Variants in CACNA2D2 observed in about 807,000 individuals in gnomAD.
CACNA2D2 encodes the protein calcium voltage-gated channel auxiliary subunit alpha2delta 2, also known as voltage-dependent calcium channel subunit alpha-2/delta-2.
Under a neutral mutation model 166.4 loss-of-function variants are expected in CACNA2D2, and 48 were observed. That is an observed-to-expected ratio of 0.29 (90% CI 0.23 to 0.37). CACNA2D2 has a LOEUF of 0.37. Among genes scored for constraint, CACNA2D2 ranks in the 10% least tolerant of loss-of-function variants. CACNA2D2 has a pLI of 1.00. For missense variants in CACNA2D2, 1,122 were observed against 1,433.0 expected, an observed-to-expected ratio of 0.78 and a Z score of 3.50; for synonymous variants, 561 against 573.7, an observed-to-expected ratio of 0.98 and a Z score of 0.32.
At position 50,367,563 on chromosome 3, in the gene CACNA2D2, A is replaced by G. The variant is rs2109409987; in HGVS notation, c.2298-66T>C. Reference sequence around the variant, plus strand: ...TTGTCGGGGACAGTGGTCTCCACAGATGCAAGGAGGCCTCTGGGCAGAACA... The same window carrying G: ...TTGTCGGGGACAGTGGTCTCCACAGGTGCAAGGAGGCCTCTGGGCAGAACA... On this transcript the variant is annotated intron_variant, in intron 26 of 37. Transcript: ENST00000424201. The surrounding 1 kb of genome is among the most constrained non-coding windows in gnomAD (Gnocchi z 6.5). 2 of 1,603,956 alleles carry G rather than the reference A, an allele frequency of 1.2e-6. No individual in the cohort carries two copies. Among genetic ancestry groups the G allele is most frequent in the South Asian group, 2.2e-5 (2 of 90,476 alleles).
chr3:50,401,843 C>T (rs1231147909), intron 3 of CACNA2D2, among the ~76,000 whole-genome samples: 2 of 152,044 alleles, frequency 1.3e-5, no homozygotes, highest in Admixed American at 6.6e-5. Flanking sequence ...CGAGTAGCTA[C>T]AGGCGCCCAC....
At position 50,380,142 on chromosome 3, in the gene CACNA2D2, T is replaced by G; in HGVS notation, c.843-124A>C. On this transcript the variant is annotated intron_variant, in intron 8 of 37. Coordinates refer to ENST00000424201, the MANE Select transcript of CACNA2D2 (RefSeq NM_006030.4). The surrounding 1 kb of genome is among the most constrained non-coding windows in gnomAD (Gnocchi z 4.9). ...ATGCACTGTGTGGGCCAGGCAGGGT[T>G]CTATGCACCGATGATACCACATTTA... 1.1e-6 allele frequency: 1 copy of G among 905,278 alleles called. No individual in the cohort carries two copies. The highest frequency in any genetic ancestry group is 2.6e-5 in the East Asian group (1 of 38,576). The allele number at this position is 905,278 out of a possible 1,614,324, so 56.1% of individuals were successfully genotyped here. A position where few individuals can be genotyped will look rare whatever the true frequency, so the allele number is the denominator to read the frequency against.
At chr3:50,423,285 C>T (rs532172687) in intron 3 of CACNA2D2, among the ~76,000 whole-genome samples, 2 of 152,342 alleles carry the variant, frequency 1.3e-5, no homozygotes, top group African/African-American at 2.4e-5. Context: ...CTCCTCTCCT[C>T]GGAGGCTGCC....
Position 50,380,690 on chromosome 3 carries a change from G to C in CACNA2D2, c.842+58C>G. 1 of 1,333,200 alleles carries C rather than the reference G, an allele frequency of 7.5e-7. No individual in the cohort carries two copies. Among genetic ancestry groups the C allele is most frequent in the South Asian group, 1.6e-5 (1 of 63,614 alleles). 82.6% of individuals were successfully genotyped at this position (1,333,200 alleles called of 1,614,324 possible). On this transcript the variant is annotated intron_variant, in intron 8 of 37. Coordinates refer to ENST00000424201, the MANE Select transcript of CACNA2D2 (RefSeq NM_006030.4). This position sits in a 1 kb window ranked among gnomAD's most constrained non-coding sequence, Gnocchi z 4.9. ...TGGAAATGGGGAGGGAGGGGAGCAG[G>C]CAGGAAAGGTGGGGAACTGAGGGGG... is the stretch of plus-strand genomic sequence containing the variant.
At chr3:50,414,936 T>C (rs886927438) in intron 3 of CACNA2D2, among the ~76,000 whole-genome samples, 3 of 152,180 alleles carry the variant, frequency 2.0e-5, no homozygotes, top group African/African-American at 7.2e-5. Flanking sequence ...TCATTTTATT[T>C]AGAAATGAAG....
chr3:50,416,495 CCT>C (rs774122878), intron 3 of CACNA2D2, among the ~76,000 whole-genome samples: 3 of 152,206 alleles, frequency 2.0e-5, no homozygotes, highest in Non-Finnish European at 4.4e-5. Flanking sequence ...CGGGGTGACC[CCT>C]GATTTGGCAC....
chr3:50,441,913 C>T (rs572505017), intron 2 of CACNA2D2, among the ~76,000 whole-genome samples: 28 of 152,288 alleles, frequency 1.8e-4, no homozygotes, highest in African/African-American at 6.5e-4. Context: ...CTCAGGACTC[C>T]CAAAGCCTGA....
At chr3:50,442,770 G>A (rs1045537669) in intron 2 of CACNA2D2, among the ~76,000 whole-genome samples, 12 of 152,222 alleles carry the variant, frequency 7.9e-5, no homozygotes, top group African/African-American at 2.7e-4. Flanking sequence ...CAACTACTGA[G>A]AAAGCAGCTG....
chr3:50,431,800 C>T (rs1708075083), intron 3 of CACNA2D2, among the ~76,000 whole-genome samples: 1 of 151,918 alleles, frequency 6.6e-6, no homozygotes, highest in South Asian at 2.1e-4. Flanking sequence ...GCCTAGCCAA[C>T]ATAGTGAAAT....
In CACNA2D2 at chr3:50,448,286, G is replaced by GT. The variant is rs555710148; in HGVS notation, c.289-13858dup. ...TATTACGCTTTGTGGAGTCATCAAC[G>GT]TGACTGGAAGCTCTGGCTATCAAGC... On this transcript the variant is annotated intron_variant, in intron 2 of 37. Coordinates refer to ENST00000424201, the MANE Select transcript of CACNA2D2 (RefSeq NM_006030.4). 2.6e-5 allele frequency among the ~76,000 whole-genome samples: 4 copies of GT among 152,304 alleles called. No individual in the cohort carries two copies. The East Asian group carries it at 7.7e-4, about 29-fold the overall frequency.
intron 2 of CACNA2D2, among the ~76,000 whole-genome samples, chr3:50,446,418 A>G (rs185534829): frequency 6.6e-6 from 1 of 152,334 alleles, no homozygotes; most frequent in Non-Finnish European, 1.5e-5. Context: ...ACATGGACTT[A>G]CCACATGCAT....
At chr3:50,377,621 T>C in intron 16 of CACNA2D2, 80 bp from the exon 17 acceptor site, 1 of 1,569,060 alleles carries the variant, frequency 6.4e-7, no homozygotes, top group African/African-American at 1.3e-5. Flanking sequence ...CAAGCTGCTC[T>C]CACAGGCAGT....
chr3:50,386,720 T>C (rs1029508423), intron 5 of CACNA2D2, among the ~76,000 whole-genome samples: 5 of 152,204 alleles, frequency 3.3e-5, no homozygotes, highest in African/African-American at 1.2e-4. Context: ...CCCGCAGGCC[T>C]AAGAGAGGAA....
intron 2 of CACNA2D2, among the ~76,000 whole-genome samples, chr3:50,457,587 T>A (rs1404461683): frequency 1.3e-5 from 2 of 152,096 alleles, no homozygotes. Context: ...TGTCTCCAGG[T>A]CCAGTCCTTG....
At chr3:50,460,387 T>C (rs553670934) in intron 2 of CACNA2D2, among the ~76,000 whole-genome samples, 1 of 152,362 alleles carries the variant, frequency 6.6e-6, no homozygotes, top group African/African-American at 2.4e-5. Flanking sequence ...TTATGTACTA[T>C]TTTTGCATCT....
At chr3:50,371,088 AGT>A (rs1414425271) in intron 22 of CACNA2D2, among the ~76,000 whole-genome samples, 1 of 151,880 alleles carries the variant, frequency 6.6e-6, no homozygotes, top group Non-Finnish European at 1.5e-5. Context: ...AGTGCCAAGG[AGT>A]GTTCCCACAG....
chr3:50,378,098 C>T lies in CACNA2D2; in HGVS notation c.1390-1G>A. 6.2e-7 allele frequency: 1 copy of T among 1,613,348 alleles called. No homozygotes were observed. The highest frequency in any genetic ancestry group is 8.5e-7 in the Non-Finnish European group (1 of 1,179,962). On this transcript the variant is annotated splice_acceptor_variant, in intron 14 of 37. Coordinates refer to ENST00000424201, the MANE Select transcript of CACNA2D2 (RefSeq NM_006030.4). LOFTEE classifies it high-confidence loss of function. The stretch of plus-strand genomic sequence containing the variant: ...GCCTGCCCAACACATCTAGATATTC[C>T]TGGGGAGGGGGCAGTGGTGGGGGTA...
intron 13 of CACNA2D2, 25 bp from the exon 14 acceptor site, chr3:50,378,358 T>TG (rs1705102864): frequency 6.4e-7 from 1 of 1,550,420 alleles, no homozygotes; most frequent in Non-Finnish European, 8.7e-7. Flanking sequence ...GAGGCAGAGG[T>TG]GGGCCTGGCT....
At chr3:50,445,971 T>C (rs1441187834) in intron 2 of CACNA2D2, among the ~76,000 whole-genome samples, 1 of 151,766 alleles carries the variant, frequency 6.6e-6, no homozygotes, top group Non-Finnish European at 1.5e-5. Flanking sequence ...TCTCTCGGTG[T>C]ATGCAAAACT....
Sources: allele counts gnomAD v4.1 joint callset (sites outside exome capture counted in the v4.1 genomes callset), GRCh38; gene constraint gnomAD v4.1.1; non-coding constraint Gnocchi (gnomAD v3.1); transcripts MANE v1.5; gene names NCBI Gene and HGNC (gene_info 2026-07-23, HGNC 2026-07-21).